Variants in MCUB observed in about 807,000 individuals in gnomAD.
MCUB encodes calcium uniporter regulatory subunit MCUb, mitochondrial.
MCUB carries 46 observed loss-of-function variants against 41.4 expected under a neutral mutation model. That is an observed-to-expected ratio of 1.11 (90% confidence interval 0.88 to 1.42). The LOEUF (loss-of-function observed/expected upper bound fraction) is 1.42, where lower values mean the gene tolerates loss of function less well. MCUB is among the 40% of genes most tolerant of loss of function. The pLI is 0.00. For missense variants in MCUB, 403 were observed against 404.9 expected (o/e 1.00, Z 0.04); for synonymous variants, 148 against 148.2 (o/e 1.00, Z 0.01).
intron 1 of MCUB, among the ~76,000 whole-genome samples, chr4:109,613,435 T>G (rs1728061521): frequency 1.3e-5 from 2 of 152,230 alleles, no homozygotes; most frequent in South Asian, 4.1e-4. Context: ...GTCCACTCAC[T>G]GGTTGTTGGC....
chr4:109,685,275 A>T lies in MCUB; in HGVS notation c.841A>T (p.Ser281Cys). The stretch of plus-strand genomic sequence containing the variant: ...GGATTATACTTACTCAGCTGTTAAG[A>T]GTAGGCAATTTCTTCAGTTCTTCCA... Reference protein sequence around the residue: ...RQDYTYSAVKSRQFLQFFHKK... With the variant: ...RQDYTYSAVKCRQFLQFFHKK... Residue 281 changes from serine (S) to cysteine (C), a missense_variant, in exon 7 of 8, where the codon AGT becomes TGT. Coordinates refer to ENST00000394650, the MANE Select transcript of MCUB (RefSeq NM_017918.5). 6.6e-7 allele frequency: 1 copy of T among 1,509,930 alleles called. No individual in the cohort carries two copies. Among genetic ancestry groups the T allele is most frequent in the Non-Finnish European group, 9.2e-7 (1 of 1,086,610 alleles). The allele number at this position is 1,509,930 out of a possible 1,614,324, so 93.5% of individuals were successfully genotyped here. A position where few individuals can be genotyped will look rare whatever the true frequency, so the allele number is the denominator to read the frequency against.
At chr4:109,582,854 G>C (rs904440784) in intron 1 of MCUB, among the ~76,000 whole-genome samples, 2 of 152,112 alleles carry the variant, frequency 1.3e-5, no homozygotes, top group African/African-American at 4.8e-5. Flanking sequence ...TTTTTGTCAG[G>C]TTTGTCAAAG....
intron 1 of MCUB, among the ~76,000 whole-genome samples, chr4:109,626,378 TC>T (rs1728359474): frequency 6.6e-6 from 1 of 152,194 alleles, no homozygotes; most frequent in South Asian, 2.1e-4. Flanking sequence ...GATTTAATAC[TC>T]AAAAATTTAA....
intron 1 of MCUB, among the ~76,000 whole-genome samples, chr4:109,603,295 C>A (rs1485054442): frequency 6.6e-6 from 1 of 152,206 alleles, no homozygotes; most frequent in Admixed American, 6.5e-5. Flanking sequence ...TGGGGTTTCG[C>A]TGTGTTGGCC....
At chr4:109,639,240 T>C (rs1250064861) in intron 1 of MCUB, among the ~76,000 whole-genome samples, 1 of 152,252 alleles carries the variant, frequency 6.6e-6, no homozygotes, top group Non-Finnish European at 1.5e-5. Context: ...ATCCATGGGC[T>C]TCAAAATGGA....
intron 1 of MCUB, among the ~76,000 whole-genome samples, chr4:109,612,998 C>T (rs1310814592): frequency 6.6e-6 from 1 of 151,924 alleles, no homozygotes; most frequent in Non-Finnish European, 1.5e-5. Context: ...CCCAGCTACT[C>T]GCGAGGCTGA....
Position 109,579,507 on chromosome 4 carries a change from C to T in MCUB, c.99+19071C>T, listed in dbSNP as rs117762523. On this transcript the variant is annotated intron_variant, in intron 1 of 7. Coordinates refer to ENST00000394650, the MANE Select transcript of MCUB (RefSeq NM_017918.5). Reference sequence around the variant, plus strand: ...TTGTGATCCACGCGCCTCGGCCTCCCAAAGTGTAAACCTCACATTTAAAGC... The same window carrying T: ...TTGTGATCCACGCGCCTCGGCCTCCTAAAGTGTAAACCTCACATTTAAAGC... 3.9e-5 allele frequency among the ~76,000 whole-genome samples: 6 copies of T among 152,292 alleles called. No homozygotes were observed. In the East Asian group the frequency reaches 1.2e-3, roughly 29 times the overall value.
intron 1 of MCUB, among the ~76,000 whole-genome samples, chr4:109,651,825 C>T (rs1251349150): frequency 6.6e-6 from 1 of 152,170 alleles, no homozygotes; most frequent in Non-Finnish European, 1.5e-5. Flanking sequence ...TCCACTACCA[C>T]TCCTTCCCCT....
intron 1 of MCUB, among the ~76,000 whole-genome samples, chr4:109,653,249 T>G (rs576254547): frequency 1.3e-5 from 2 of 151,982 alleles, no homozygotes; most frequent in South Asian, 2.1e-4. Context: ...CTTGGTGGCA[T>G]GCACCCGTAA....
intron 4 of MCUB, among the ~76,000 whole-genome samples, chr4:109,667,875 T>C (rs962892111): frequency 6.6e-6 from 1 of 151,902 alleles, no homozygotes; most frequent in Non-Finnish European, 1.5e-5. Context: ...AATATTTTAA[T>C]TTTTTTCTTG....
intron 1 of MCUB, among the ~76,000 whole-genome samples, chr4:109,591,739 C>T (rs1198188871): frequency 1.3e-5 from 2 of 152,118 alleles, no homozygotes; most frequent in African/African-American, 4.8e-5. Flanking sequence ...GGCTCTGTCA[C>T]CCAGACTGGA....
intron 1 of MCUB, among the ~76,000 whole-genome samples, chr4:109,618,838 TAAATA>T (rs750735232): frequency 2.0e-5 from 3 of 152,172 alleles, no homozygotes; most frequent in Non-Finnish European, 2.9e-5. Context: ...TTACATTCAA[TAAATA>T]AAATTGCCAA....
intron 1 of MCUB, among the ~76,000 whole-genome samples, chr4:109,606,044 T>TGCTC (rs2126132309): frequency 6.6e-6 from 1 of 152,238 alleles, no homozygotes; most frequent in African/African-American, 2.4e-5. Flanking sequence ...GTGCGATCTC[T>TGCTC]GCTCGCTGCA....
intron 1 of MCUB, among the ~76,000 whole-genome samples, chr4:109,655,697 G>A (rs927827206): frequency 1.1e-4 from 16 of 152,120 alleles, no homozygotes; most frequent in African/African-American, 3.9e-4. Context: ...TTGGAATTCG[G>A]AATGATTCTA....
chr4:109,640,704 AG>A (rs976741229), intron 1 of MCUB, among the ~76,000 whole-genome samples: 3 of 152,234 alleles, frequency 2.0e-5, no homozygotes, highest in African/African-American at 7.2e-5. Flanking sequence ...CTTTGGATTA[AG>A]GGAATGTTGT....
intron 1 of MCUB, among the ~76,000 whole-genome samples, chr4:109,615,084 A>T (rs956171707): frequency 6.6e-6 from 1 of 152,188 alleles, no homozygotes; most frequent in African/African-American, 2.4e-5. Flanking sequence ...TTAGATTCCA[A>T]ACTCTCTTTT....
intron 1 of MCUB, among the ~76,000 whole-genome samples, chr4:109,586,457 G>C (rs1463626409): frequency 1.3e-5 from 2 of 152,130 alleles, no homozygotes; most frequent in Non-Finnish European, 2.9e-5. Context: ...ACTTCTGTCA[G>C]CTTCTCAAAG....
chr4:109,622,303 G>T (rs1174566693), intron 1 of MCUB, among the ~76,000 whole-genome samples: 1 of 152,198 alleles, frequency 6.6e-6, no homozygotes, highest in Non-Finnish European at 1.5e-5. Context: ...TCTCTACATT[G>T]TCTCTCACTT....
At chr4:109,591,015 G>A (rs774146661) in intron 1 of MCUB, among the ~76,000 whole-genome samples, 4 of 152,040 alleles carry the variant, frequency 2.6e-5, no homozygotes, top group African/African-American at 4.8e-5. Context: ...TGTTCCTTCA[G>A]CTGTGTAAAT....
Sources: gnomAD v4.1 joint callset for allele counts (sites outside exome capture counted in the v4.1 genomes callset) on GRCh38, gnomAD v4.1.1 for gene constraint, MANE v1.5 for transcripts, NCBI Gene and HGNC (gene_info 2026-07-23, HGNC 2026-07-21) for gene names.